DOCK4: variants seen among roughly 807,000 people sequenced by gnomAD.
DOCK4 encodes dedicator of cytokinesis 4, also known as dedicator of cytokinesis protein 4.
DOCK4 carries 97 observed loss-of-function variants against 268.1 expected under a neutral mutation model. The observed-to-expected ratio is 0.36, with a 90% CI of 0.31 to 0.43. The LOEUF is 0.43. Ranked by LOEUF, DOCK4 falls within the 20% of genes least tolerant of loss-of-function variation. The pLI, the probability that DOCK4 is intolerant of heterozygous loss-of-function variation, is 1.00. For synonymous variants in DOCK4, 954 were observed against 887.2 expected, an observed-to-expected ratio of 1.08 and a Z score of -1.34; for missense variants, 2,145 against 2,455.7, an observed-to-expected ratio of 0.87 and a Z score of 2.67.
chr7:111,907,596 C>A (rs757692903), intron 13 of DOCK4, among the ~76,000 whole-genome samples: 2 of 152,150 alleles, frequency 1.3e-5, no homozygotes, highest in Non-Finnish European at 2.9e-5. Flanking sequence ...GTCACTGTGG[C>A]ATTCATTGGT....
At chr7:112,114,302 T>C (rs1186026134) in intron 1 of DOCK4, among the ~76,000 whole-genome samples, 2 of 152,142 alleles carry the variant, frequency 1.3e-5, no homozygotes, top group Non-Finnish European at 1.5e-5. Flanking sequence ...AATATAAAAG[T>C]AAAAAGTCTA....
Position 111,809,335 on chromosome 7 carries a change from A to C in DOCK4, c.3073T>G (p.Phe1025Val). 2.6e-6 allele frequency: 4 copies of C among 1,565,606 alleles called. No individual in the cohort carries two copies. Among genetic ancestry groups the C allele is most frequent in the Non-Finnish European group, 3.5e-6 (4 of 1,153,278 alleles). The change falls in exon 29 of 53, where the codon TTC becomes GTC. Residue 1025 changes from phenylalanine (F) to valine (V), a missense_variant. Phe to Val is a conservative substitution (Grantham distance 50). This residue lies in a region of DOCK4 where 1,598 missense variants were observed against 1,986.7 expected (regional missense o/e 0.80). Coordinates refer to ENST00000428084, the MANE Select transcript of DOCK4 (RefSeq NM_001363540.2). Reference protein sequence around the residue: ...INQLCLQLEMFTPSKKKKVLE... With the variant: ...INQLCLQLEMVTPSKKKKVLE... ...ACCTTTTTCTTCTTGGAAGGTGTGA[A>C]CATCTCCAACTGCAGACACAACTGG... is the stretch of plus-strand genomic sequence containing the variant.
chr7:111,958,952 TTTTC>T (rs1421111461), intron 8 of DOCK4, among the ~76,000 whole-genome samples: 8 of 152,160 alleles, frequency 5.3e-5, no homozygotes, highest in African/African-American at 9.7e-5. Flanking sequence ...TTATTTGTGA[TTTTC>T]TTTTTTATGT....
intron 41 of DOCK4, among the ~76,000 whole-genome samples, chr7:111,756,734 AG>A (rs1797046314): frequency 6.6e-6 from 1 of 152,044 alleles, no homozygotes; most frequent in African/African-American, 2.4e-5. Context: ...TTCCTGAAAT[AG>A]TGCCATTTAC....
rs1404410129 is a variant in DOCK4, at chr7:111,838,564, CA to C, written c.2737-3879del. 9.9e-5 allele frequency among the ~76,000 whole-genome samples: 15 copies of C among 152,014 alleles called. 1 individual carries two copies. Among genetic ancestry groups the C allele is most frequent in the Non-Finnish European group, 1.8e-4 (12 of 67,974 alleles). On this transcript the variant is annotated intron_variant, in intron 25 of 52. Coordinates refer to ENST00000428084, the MANE Select transcript of DOCK4 (RefSeq NM_001363540.2). ...CAGAATCCCCTGCCCCTATGCCCCCCAAAAAACTATGTAGTATATGATTAAT... is the reference window on the plus strand; with the variant it reads ...CAGAATCCCCTGCCCCTATGCCCCCCAAAAACTATGTAGTATATGATTAAT...
chr7:112,097,251 T>A (rs1810231002), intron 1 of DOCK4, among the ~76,000 whole-genome samples: 1 of 152,166 alleles, frequency 6.6e-6, no homozygotes, highest in Non-Finnish European at 1.5e-5. Flanking sequence ...TATGAAAGTT[T>A]AAAACTTTCT....
intron 22 of DOCK4, among the ~76,000 whole-genome samples, chr7:111,864,164 T>C (rs1805782211): frequency 2.6e-5 from 4 of 151,772 alleles, no homozygotes; most frequent in Admixed American, 2.6e-4. Flanking sequence ...AAAAGATCAT[T>C]ACAAGAACCC....
rs1299210491 is a variant in DOCK4, at chr7:112,022,723, T to G, written c.38-18592A>C. On this transcript the variant is annotated intron_variant, in intron 1 of 52. Coordinates refer to ENST00000428084, the MANE Select transcript of DOCK4 (RefSeq NM_001363540.2). ...GCAGCAAAGGCATGTGAGCTGTCAATGTTGACCATTTCTTTGACTACTCCT... is the reference window on the plus strand; with the variant it reads ...GCAGCAAAGGCATGTGAGCTGTCAAGGTTGACCATTTCTTTGACTACTCCT... Among the ~76,000 whole-genome samples, 3 of 152,208 alleles carry G rather than the reference T, an allele frequency of 2.0e-5. No individual in the cohort carries two copies. The East Asian group carries it at 5.8e-4, about 29-fold the overall frequency.
intron 1 of DOCK4, among the ~76,000 whole-genome samples, chr7:112,161,012 TAAC>T (rs998776575): frequency 1.3e-5 from 2 of 152,184 alleles, no homozygotes; most frequent in African/African-American, 4.8e-5. Flanking sequence ...CAGAAAGACT[TAAC>T]AACTCAAGTG....
intron 1 of DOCK4, among the ~76,000 whole-genome samples, chr7:112,066,247 T>C (rs1261816531): frequency 2.0e-5 from 3 of 151,984 alleles, no homozygotes; most frequent in Admixed American, 2.0e-4. Flanking sequence ...AGAAAGACTA[T>C]TTTGCTCACT....
intron 30 of DOCK4, among the ~76,000 whole-genome samples, chr7:111,802,055 C>T (rs1800338346): frequency 6.6e-6 from 1 of 152,082 alleles, no homozygotes; most frequent in Admixed American, 6.6e-5. Flanking sequence ...TCATAGCTCT[C>T]CCTATATTTT....
chr7:111,992,485 C>T (rs1440539777), intron 5 of DOCK4, among the ~76,000 whole-genome samples: 2 of 152,148 alleles, frequency 1.3e-5, no homozygotes, highest in Non-Finnish European at 2.9e-5. Context: ...TTTCTAATGG[C>T]ACTGACTACC....
At chr7:111,864,338 G>A (rs1039953505) in intron 22 of DOCK4, among the ~76,000 whole-genome samples, 14 of 151,684 alleles carry the variant, frequency 9.2e-5, no homozygotes, top group Non-Finnish European at 1.8e-4. Context: ...GGCTAGGATT[G>A]TACACCAAAA....
At chr7:111,772,633 T>C (rs2133694100) in intron 36 of DOCK4, among the ~76,000 whole-genome samples, 1 of 151,842 alleles carries the variant, frequency 6.6e-6, no homozygotes, top group East Asian at 2.0e-4. Context: ...CTGTCTCTAC[T>C]AAAAATACAA....
chr7:111,784,102 A>T lies in DOCK4; in HGVS notation c.3423T>A (p.Tyr1141Ter), dbSNP rs959932502. The change falls in exon 33 of 53, where the codon TAT becomes TAA. Residue 1141 changes from tyrosine to a stop codon, truncating the protein, a stop_gained. Transcript: ENST00000428084. LOFTEE classifies it high-confidence loss of function. ...ATTTGCAAACAATGTCTTACCTAGG[A>T]TAGGGACCAAATAGTGGAATTCTAA... The part of the protein sequence containing the change: ...FNSIIPLFGP[Y>*]PSLLKKIERE... 6.3e-7 allele frequency: 1 copy of T among 1,579,868 alleles called. No individual in the cohort carries two copies. The highest frequency in any genetic ancestry group is 8.6e-7 in the Non-Finnish European group (1 of 1,168,200).
intron 32 of DOCK4, among the ~76,000 whole-genome samples, chr7:111,786,507 A>G (rs1383710720): frequency 6.6e-6 from 1 of 152,226 alleles, no homozygotes; most frequent in Non-Finnish European, 1.5e-5. Flanking sequence ...TGTAGTATGC[A>G]TTAATGAAGA....
rs758620352 is a variant in DOCK4, at chr7:111,869,666, G to A, written c.2028-11C>T. ...ACTTTGATGAGATCTCTAAAATACA[G>A]GGGAAAATGTGCAGAATGTAAAATT... On this transcript the variant is annotated splice_polypyrimidine_tract_variant and intron_variant, in intron 20 of 52. Coordinates refer to ENST00000428084, the MANE Select transcript of DOCK4 (RefSeq NM_001363540.2). 4.3e-5 allele frequency: 70 copies of A among 1,610,872 alleles called. No homozygotes were observed. Among genetic ancestry groups the A allele is most frequent in the Non-Finnish European group, 5.4e-5 (64 of 1,177,656 alleles).
intron 8 of DOCK4, among the ~76,000 whole-genome samples, chr7:111,952,649 G>T (rs933681961): frequency 6.6e-6 from 1 of 151,854 alleles, no homozygotes; most frequent in Admixed American, 6.6e-5. Context: ...TAATATCTTC[G>T]GTTGAAACAT....
intron 25 of DOCK4, among the ~76,000 whole-genome samples, chr7:111,844,271 GT>G (rs1803923061): frequency 6.6e-6 from 1 of 152,054 alleles, no homozygotes; most frequent in Non-Finnish European, 1.5e-5. Flanking sequence ...GCGAGACTCC[GT>G]CTCAAAAAAA....
Sources: allele counts gnomAD v4.1 joint callset (sites outside exome capture counted in the v4.1 genomes callset), GRCh38; gene constraint gnomAD v4.1.1; regional missense constraint gnomAD v4.1.1; transcripts MANE v1.5; gene names NCBI Gene and HGNC (gene_info 2026-07-23, HGNC 2026-07-21).